The following XKR5 variants were observed in gnomAD, a reference collection of about 807,000 sequenced individuals.
XKR5 encodes XK-related protein 5.
In XKR5, 46 loss-of-function variants were observed where a neutral mutation model predicts 40.8. That is an observed-to-expected ratio of 1.13 (90% CI 0.89 to 1.44). The LOEUF is 1.44. XKR5 is among the 40% of genes most tolerant of loss of function. XKR5 has a pLI of 0.00. For missense variants in XKR5, 1,169 were observed against 844.7 expected, an observed-to-expected ratio of 1.38 and a Z score of -4.76; for synonymous variants, 466 against 356.1, an observed-to-expected ratio of 1.31 and a Z score of -3.48.
At chr8:6,827,139 C>T (rs780378102) in intron 2 of XKR5, among the ~76,000 whole-genome samples, 4 of 152,182 alleles carry the variant, frequency 2.6e-5, no homozygotes, top group African/African-American at 9.7e-5. Flanking sequence ...AGCGGGCTCT[C>T]AGGCTTCGAG....
At position 6,821,939 on chromosome 8, in the gene XKR5, G is replaced by T. The variant is rs371182210; in HGVS notation, c.737C>A (p.Ala246Asp). ...HWRLFNLLVG[A>D]VYILCYLSFW... Reference sequence around the variant, plus strand: ...GCTGAGGTAGCAGAGGATGTACACGGCCCCCACGAGCAGGTTGAACAGCCT... The same window carrying T: ...GCTGAGGTAGCAGAGGATGTACACGTCCCCCACGAGCAGGTTGAACAGCCT... The change falls in exon 5 of 7, where the codon GCC becomes GAC. Residue 246 changes from alanine to aspartate, a missense_variant. Transcript: ENST00000618742. 1.9e-6 allele frequency: 3 copies of T among 1,612,684 alleles called. No homozygotes were observed. The highest frequency in any genetic ancestry group is 1.7e-5 in the Admixed American group (1 of 59,800).
chr8:6,823,744 A>G lies in XKR5; in HGVS notation c.428-14T>C, dbSNP rs755391253. The stretch of plus-strand genomic sequence containing the variant: ...GGGTGCTCACCCCTGAAAGGGAAGC[A>G]GAAAGATGTGGTATGCTCTGAAGAT... On this transcript the variant is annotated splice_polypyrimidine_tract_variant and intron_variant, in intron 3 of 6. Coordinates refer to ENST00000618742, the MANE Select transcript of XKR5 (RefSeq NM_207411.5). 16 of 1,554,772 alleles carry G rather than the reference A, an allele frequency of 1.0e-5. No individual in the cohort carries two copies. The East Asian group carries it at 3.8e-4, about 37-fold the overall frequency.
chr8:6,817,999 C>T (rs986472764), intron 5 of XKR5, among the ~76,000 whole-genome samples: 4 of 152,222 alleles, frequency 2.6e-5, no homozygotes, highest in Admixed American at 2.0e-4. Flanking sequence ...GCCAAGCCCC[C>T]GGATGTTCCT....
intron 2 of XKR5, among the ~76,000 whole-genome samples, chr8:6,827,768 G>A (rs1804579429): frequency 6.6e-6 from 1 of 152,230 alleles, no homozygotes; most frequent in African/African-American, 2.4e-5. Context: ...TGGGCTTTGA[G>A]AGGCCCACCT....
Position 6,832,714 on chromosome 8 carries a change from T to C in XKR5, c.242+3A>G, listed in dbSNP as rs753871289. On this transcript the variant is annotated splice_donor_region_variant and intron_variant, in intron 2 of 6. Coordinates refer to ENST00000618742, the MANE Select transcript of XKR5 (RefSeq NM_207411.5). ...CAGAGGTGAAAGAGGCAGCTGTTCT[T>C]ACCGCTTCCAAACACCAAGCTGTAG... is the stretch of plus-strand genomic sequence containing the variant. 14 of 1,613,008 alleles carry C rather than the reference T, an allele frequency of 8.7e-6. No individual in the cohort carries two copies. The Admixed American group carries it at 1.7e-4, about 19-fold the overall frequency.
intron 1 of XKR5, among the ~76,000 whole-genome samples, chr8:6,834,623 G>T (rs1258572312): frequency 1.3e-5 from 2 of 152,202 alleles, no homozygotes; most frequent in East Asian, 1.9e-4. Context: ...CTGCGGGGAC[G>T]CCCGCGAACT....
intron 1 of XKR5, among the ~76,000 whole-genome samples, 178 bp from the exon 2 acceptor site, chr8:6,833,078 C>A (rs1372273664): frequency 6.6e-6 from 1 of 152,154 alleles, no homozygotes; most frequent in African/African-American, 2.4e-5. Context: ...TAGCAAAGGG[C>A]CCAGCCAGGA....
chr8:6,818,536 G>A (rs540876618), intron 5 of XKR5, among the ~76,000 whole-genome samples: 3 of 152,230 alleles, frequency 2.0e-5, no homozygotes, highest in African/African-American at 7.2e-5. Flanking sequence ...GAAGTGAGAC[G>A]GGGTCTTATA....
chr8:6,811,854 A>C lies in XKR5; in HGVS notation c.1405T>G (p.Ser469Ala). Residue 469 changes from serine to alanine, a missense_variant, in exon 7 of 7, where the codon TCT (serine) becomes GCT (alanine). Transcript: ENST00000618742. ...SRDPSTLENS[S>A]AFEGVPKAEA... is the part of the protein sequence containing the mutation. ...GCTTTAGGGACACCTTCAAACGCAG[A>C]GCTGTTCTCTAAGGTTGAGGGGTCA... is the stretch of plus-strand genomic sequence containing the variant. 1 of 1,537,548 alleles carries C rather than the reference A, an allele frequency of 6.5e-7. No individual in the cohort carries two copies. The highest frequency in any genetic ancestry group is 8.7e-7 in the Non-Finnish European group (1 of 1,146,974).
chr8:6,824,525 A>AATTATT (rs141743137), intron 3 of XKR5, among the ~76,000 whole-genome samples: 3 of 151,636 alleles, frequency 2.0e-5, no homozygotes, highest in South Asian at 2.1e-4. Context: ...CTTTGTTAAG[A>AATTATT]ATTATTATTA....
intron 3 of XKR5, among the ~76,000 whole-genome samples, chr8:6,824,766 A>G (rs1463672371): frequency 6.6e-6 from 1 of 152,090 alleles, no homozygotes; most frequent in East Asian, 1.9e-4. Context: ...CAAGCAATCC[A>G]CCCACCTCAG....
At chr8:6,824,504 T>C (rs1218987761) in intron 3 of XKR5, among the ~76,000 whole-genome samples, 1 of 152,164 alleles carries the variant, frequency 6.6e-6, no homozygotes, top group Non-Finnish European at 1.5e-5. Flanking sequence ...TTTGAAGGTA[T>C]AAGCCTCTGG....
rs1469379526 is a variant in XKR5 at position 6,809,447 on chromosome 8, C to G, written c.*1751G>C. On this transcript the variant is annotated 3_prime_UTR_variant, in exon 7 of 7. Coordinates refer to ENST00000618742, the MANE Select transcript of XKR5 (RefSeq NM_207411.5). ...GGGACTACAGGTGTGTGCCACCACA[C>G]CAGGATAATTTATGTATTTTTAGTA... 6.6e-6 allele frequency: 1 copy of G among 151,996 alleles called. No individual in the cohort carries two copies. Among genetic ancestry groups the G allele is most frequent in the Non-Finnish European group, 1.5e-5 (1 of 68,008 alleles). 9.4% of individuals were successfully genotyped at this position (151,996 alleles called of 1,614,324 possible).
intron 6 of XKR5, among the ~76,000 whole-genome samples, chr8:6,814,259 C>G (rs576179098): frequency 2.0e-5 from 3 of 152,138 alleles, no homozygotes; most frequent in Non-Finnish European, 4.4e-5. Context: ...GTCCATGGGT[C>G]GACGATGAAA....
At chr8:6,833,747 C>T (rs2117126085) in intron 1 of XKR5, among the ~76,000 whole-genome samples, 1 of 152,296 alleles carries the variant, frequency 6.6e-6, no homozygotes, top group South Asian at 2.1e-4. Context: ...CCAACCAACA[C>T]AGTGTCCCCA....
rs74364055 is a variant in XKR5, at chr8:6,815,527, C to A, written c.919+280G>T. On this transcript the variant is annotated intron_variant, in intron 6 of 6. Coordinates refer to ENST00000618742, the MANE Select transcript of XKR5 (RefSeq NM_207411.5). ...GGGGAGAGAGAAGTCACGTCCTCAA[C>A]CCTGCAGGAAGCTCCGGGGAGGACG... Among the ~76,000 whole-genome samples the A allele has an allele frequency of 0.025, 3,774 of 152,140 alleles. 158 individuals are homozygous for A. The highest frequency in any genetic ancestry group is 0.087 in the African/African-American group (3,593 of 41,486).
In XKR5 at chr8:6,829,467, T is replaced by C. The variant is rs140941378; in HGVS notation, c.242+3250A>G. ...CTTAAAATGAACATAGTATGTATTA[T>C]TGGGAACGTTAAAAAGAATACACTT... On this transcript the variant is annotated intron_variant, in intron 2 of 6. Transcript: ENST00000618742. 5.3e-5 allele frequency among the ~76,000 whole-genome samples: 8 copies of C among 152,344 alleles called. No individual in the cohort carries two copies. The East Asian group carries it at 1.5e-3, about 29-fold the overall frequency.
intron 5 of XKR5, among the ~76,000 whole-genome samples, chr8:6,817,161 TTCTC>T (rs1803997978): frequency 6.6e-6 from 1 of 152,114 alleles, no homozygotes; most frequent in South Asian, 2.1e-4. Context: ...CCTATCTTCA[TTCTC>T]TCTCTGAAAT....
At chr8:6,824,160 A>T (rs28455546) in intron 3 of XKR5, among the ~76,000 whole-genome samples, 2,157 of 152,330 alleles carry the variant, frequency 0.014, 49 homozygotes, top group African/African-American at 0.049. Context: ...TTAATAAAAG[A>T]ACGAAAACAT....
Sources: gnomAD v4.1 joint callset for allele counts (sites outside exome capture counted in the v4.1 genomes callset) on GRCh38, gnomAD v4.1.1 for gene constraint, MANE v1.5 for transcripts, NCBI Gene and HGNC (gene_info 2026-07-23, HGNC 2026-07-21) for gene names.